The following EZH1 variants were observed in gnomAD, a reference collection of about 807,000 sequenced individuals.
EZH1 encodes histone-lysine N-methyltransferase EZH1.
EZH1 carries 33 observed loss-of-function variants against 100.5 expected under a neutral mutation model. The observed-to-expected ratio is 0.33, with a 90% CI of 0.25 to 0.44. EZH1 has a LOEUF of 0.44. Ranked by LOEUF, EZH1 falls within the 20% of genes least tolerant of loss-of-function variation. EZH1 has a pLI of 1.00. For missense variants in EZH1, 475 were observed against 928.4 expected, an observed-to-expected ratio of 0.51 and a Z score of 6.35; for synonymous variants, 272 against 313.8, an observed-to-expected ratio of 0.87 and a Z score of 1.41.
chr17:42,728,602 C>T (rs1469408698), intron 3 of EZH1, among the ~76,000 whole-genome samples: 1 of 151,072 alleles, frequency 6.6e-6, no homozygotes, highest in Admixed American at 6.6e-5. Flanking sequence ...ATTAGCCGGG[C>T]GTGGTGGCAG....
At position 42,712,254 on chromosome 17, in the gene EZH1, A is replaced by C. The variant is rs752471360; in HGVS notation, c.1401+35T>G. The C allele has an allele frequency of 3.1e-6, 5 of 1,602,120 alleles. No homozygotes were observed. In the South Asian group the frequency reaches 4.5e-5, roughly 14 times the overall value. On this transcript the variant is annotated intron_variant, in intron 12 of 20. Coordinates refer to ENST00000428826, the MANE Select transcript of EZH1 (RefSeq NM_001991.5). Reference sequence around the variant, plus strand: ...GCTGGACAGAGCAATGCGTGAAAGGAGGGGCCCATTTGTTCTGCTGCTTCC... The same window carrying C: ...GCTGGACAGAGCAATGCGTGAAAGGCGGGGCCCATTTGTTCTGCTGCTTCC...
At chr17:42,729,762 G>A (rs1253127479) in intron 2 of EZH1, among the ~76,000 whole-genome samples, 2 of 131,864 alleles carry the variant, frequency 1.5e-5, no homozygotes, top group Admixed American at 7.9e-5. Flanking sequence ...AAAAAAGTCC[G>A]GGCATGGTGA....
intron 1 of EZH1, among the ~76,000 whole-genome samples, chr17:42,740,527 C>T (rs1032920631): frequency 2.0e-5 from 3 of 152,174 alleles, no homozygotes; most frequent in South Asian, 2.1e-4. Flanking sequence ...TGAGCCACTA[C>T]GCCCAGCCTA....
intron 15 of EZH1, among the ~76,000 whole-genome samples, chr17:42,707,157 A>G (rs1489650629): frequency 6.6e-6 from 1 of 152,128 alleles, no homozygotes; most frequent in Non-Finnish European, 1.5e-5. Context: ...GAAAATAGAC[A>G]TACACAGAAT....
At chr17:42,729,869 C>T (rs371364225) in intron 2 of EZH1, among the ~76,000 whole-genome samples, 1 of 152,006 alleles carries the variant, frequency 6.6e-6, no homozygotes, top group East Asian at 1.9e-4. Context: ...GAAACCCCGT[C>T]TCTACTAAAA....
chr17:42,732,277 A>C (rs1314754015), intron 1 of EZH1, among the ~76,000 whole-genome samples: 3 of 152,148 alleles, frequency 2.0e-5, no homozygotes, highest in African/African-American at 4.8e-5. Flanking sequence ...AGCTTGGCCA[A>C]CACAGTCAGA....
Position 42,718,486 on chromosome 17 carries a change from C to T in EZH1, c.899G>A (p.Arg300Gln). The change falls in exon 9 of 21, where the codon CGG (arginine) becomes CAG (glutamine). Residue 300 changes from arginine (R) to glutamine (Q), a missense_variant. Physicochemically the swap from Arg to Gln is conservative, Grantham distance 43. Coordinates refer to ENST00000428826, the MANE Select transcript of EZH1 (RefSeq NM_001991.5). This position sits in a 1 kb window ranked among gnomAD's most constrained non-coding sequence, Gnocchi z 4.2. ...SLHSFHTLFC[R>Q]RCFKYDCFLH... The stretch of plus-strand genomic sequence containing the variant: ...GAAGCAGTCGTATTTAAAGCAGCGC[C>T]GGCAAAAAAGTGTGTGGAAGGAGTG... 2 of 1,613,984 alleles carry T rather than the reference C, an allele frequency of 1.2e-6. No individual in the cohort carries two copies. The highest frequency in any genetic ancestry group is 1.7e-6 in the Non-Finnish European group (2 of 1,180,016).
At position 42,706,671 on chromosome 17, in the gene EZH1, G is replaced by A. The variant is rs2053359524; in HGVS notation, c.1661-486C>T. ...CCACTTCTCTCCAGCCTGAGCAACA[G>A]AGCTGAGATCCTGTCTCAAAAAAAT... On this transcript the variant is annotated intron_variant, in intron 15 of 20. Coordinates refer to ENST00000428826, the MANE Select transcript of EZH1 (RefSeq NM_001991.5). This position sits in a 1 kb window ranked among gnomAD's most constrained non-coding sequence, Gnocchi z 4.4. Among the ~76,000 whole-genome samples, 1 of 151,956 alleles carries A rather than the reference G, an allele frequency of 6.6e-6. No individual in the cohort carries two copies. Among genetic ancestry groups the A allele is most frequent in the Admixed American group, 6.6e-5 (1 of 15,228 alleles).
At chr17:42,727,296 A>G (rs2053840115) in intron 4 of EZH1, among the ~76,000 whole-genome samples, 1 of 152,108 alleles carries the variant, frequency 6.6e-6, no homozygotes, top group African/African-American at 2.4e-5. Context: ...CTGTCAACCC[A>G]GACTGGAGTG....
intron 14 of EZH1, among the ~76,000 whole-genome samples, chr17:42,708,441 G>A (rs975644912): frequency 1.3e-5 from 2 of 152,154 alleles, no homozygotes; most frequent in Non-Finnish European, 2.9e-5. Flanking sequence ...GATCATTTGA[G>A]GTCAGGAGTT....
In EZH1 at chr17:42,700,905, A is replaced by G. The variant is rs151061773; in HGVS notation, c.*1627T>C. 104 of 152,578 alleles carry G rather than the reference A, an allele frequency of 6.8e-4. No homozygotes were observed. The highest frequency in any genetic ancestry group is 1.2e-3 in the Non-Finnish European group (83 of 68,070). The allele number at this position is 152,578 out of a possible 1,614,324, so 9.5% of individuals were successfully genotyped here. ...CCAAACCGTAAGAGGCAGCTGGGTC[A>G]GGAGGAACCCCACTTCTTCCTTCAT... On this transcript the variant is annotated 3_prime_UTR_variant, in exon 21 of 21. Transcript: ENST00000428826.
intron 4 of EZH1, among the ~76,000 whole-genome samples, chr17:42,726,450 C>T (rs1271318345): frequency 6.6e-6 from 1 of 151,810 alleles, no homozygotes; most frequent in Non-Finnish European, 1.5e-5. Flanking sequence ...CACTGCACTC[C>T]AGTCTGGGTG....
chr17:42,709,237 T>G, intron 13 of EZH1: 1 of 299,284 alleles, frequency 3.3e-6, no homozygotes, highest in East Asian at 5.9e-5. Context: ...TCTCTCCCTT[T>G]GTCTTTGTGG....
chr17:42,738,198 T>A (rs1040251496), intron 1 of EZH1, among the ~76,000 whole-genome samples: 29 of 146,724 alleles, frequency 2.0e-4, no homozygotes, highest in African/African-American at 7.0e-4. Context: ...AAAAAAAAAA[T>A]TTAAGGAACA....
At chr17:42,732,461 C>T (rs2053969449) in intron 1 of EZH1, among the ~76,000 whole-genome samples, 1 of 151,876 alleles carries the variant, frequency 6.6e-6, no homozygotes, top group South Asian at 2.1e-4. Flanking sequence ...GGTAAGACCT[C>T]ATCTCTATTA....
chr17:42,707,773 C>T (rs2053389020), intron 15 of EZH1, among the ~76,000 whole-genome samples, 185 bp downstream of exon 15: 1 of 151,906 alleles, frequency 6.6e-6, no homozygotes, highest in African/African-American at 2.4e-5. Flanking sequence ...AATCATGAAC[C>T]TAAACGTTTT....
chr17:42,704,457 C>A, intron 18 of EZH1, 145 bp downstream of exon 18: 1 of 575,034 alleles, frequency 1.7e-6, no homozygotes, highest in East Asian at 3.2e-5. Flanking sequence ...AGGAGAATCA[C>A]TTGAACCCGG....
chr17:42,740,599 C>G (rs976815921), intron 1 of EZH1, among the ~76,000 whole-genome samples: 1 of 152,146 alleles, frequency 6.6e-6, no homozygotes, highest in Non-Finnish European at 1.5e-5. Flanking sequence ...ATCCCCCTTC[C>G]TCAGCCTCCC....
At chr17:42,723,872 A>C (rs1399589884) in intron 5 of EZH1, among the ~76,000 whole-genome samples, 1 of 152,340 alleles carries the variant, frequency 6.6e-6, no homozygotes, top group East Asian at 1.9e-4. Flanking sequence ...GGCCCAGATG[A>C]AAGGACTGTG....
Sources: allele counts gnomAD v4.1 joint callset (sites outside exome capture counted in the v4.1 genomes callset), GRCh38; gene constraint gnomAD v4.1.1; non-coding constraint Gnocchi (gnomAD v3.1); transcripts MANE v1.5; gene names NCBI Gene and HGNC (gene_info 2026-07-23, HGNC 2026-07-21).